NRXN3: variants seen among roughly 807,000 people sequenced by gnomAD.
NRXN3 encodes neurexin III.
A neutral mutation model predicts 137.6 loss-of-function variants in NRXN3; 32 were observed. That is an observed-to-expected ratio of 0.23 (90% CI 0.18 to 0.31). NRXN3 has a LOEUF of 0.31. Ranked by LOEUF, NRXN3 falls within the 10% of genes least tolerant of loss-of-function variation. The pLI is 1.00. For missense variants in NRXN3, 1,574 were observed against 2,062.5 expected (o/e 0.76, Z 4.59); for synonymous variants, 798 against 784.5 (o/e 1.02, Z -0.29).
At chr14:78,280,255 G>A (rs2074211575) in intron 3 of NRXN3, among the ~76,000 whole-genome samples, 1 of 151,980 alleles carries the variant, frequency 6.6e-6, no homozygotes, top group African/African-American at 2.4e-5. Flanking sequence ...ACATATCTAT[G>A]TATATATACA....
chr14:79,859,358 T>C (rs1224783900), intron 20 of NRXN3, among the ~76,000 whole-genome samples: 1 of 152,180 alleles, frequency 6.6e-6, no homozygotes, highest in African/African-American at 2.4e-5. Flanking sequence ...TTCTCAGTGC[T>C]TGAAGGTAGG....
chr14:78,629,161 C>T (rs1270902317), intron 4 of NRXN3, among the ~76,000 whole-genome samples: 4 of 152,116 alleles, frequency 2.6e-5, no homozygotes, highest in African/African-American at 7.2e-5. Context: ...TGGGAGTTTC[C>T]TGGTATGAAA....
chr14:79,804,251 A>G (rs2099194425), intron 19 of NRXN3, among the ~76,000 whole-genome samples: 1 of 152,092 alleles, frequency 6.6e-6, no homozygotes, highest in African/African-American at 2.4e-5. Context: ...TAAGATCTGT[A>G]GATTCATTCA....
chr14:78,359,279 C>G (rs759760485), intron 4 of NRXN3, among the ~76,000 whole-genome samples: 51 of 152,220 alleles, frequency 3.4e-4, no homozygotes, highest in Non-Finnish European at 5.9e-4. Context: ...CCCAGAGAGT[C>G]TGGTTTTAAT....
intron 15 of NRXN3, among the ~76,000 whole-genome samples, chr14:79,364,364 A>C (rs1034926436): frequency 6.6e-6 from 1 of 152,234 alleles, no homozygotes; most frequent in African/African-American, 2.4e-5. Context: ...ATGTTATTAC[A>C]TTACTTACAC....
intron 14 of NRXN3, among the ~76,000 whole-genome samples, chr14:78,971,441 T>TATAC (rs71131669): frequency 4.1e-4 from 58 of 142,606 alleles, no homozygotes; most frequent in Middle Eastern, 3.7e-3. Flanking sequence ...TATATATATA[T>TATAC]ACACACACAC....
intron 19 of NRXN3, among the ~76,000 whole-genome samples, chr14:79,752,153 G>A (rs1260087266): frequency 2.6e-5 from 4 of 152,164 alleles, no homozygotes; most frequent in African/African-American, 7.2e-5. Flanking sequence ...AATGGTACCA[G>A]TTCCGCCTTG....
At chr14:78,580,102 G>A (rs1224860830) in intron 4 of NRXN3, among the ~76,000 whole-genome samples, 1 of 152,082 alleles carries the variant, frequency 6.6e-6, no homozygotes, top group Non-Finnish European at 1.5e-5. Flanking sequence ...CCATACCCAT[G>A]TTTGATTGGC....
intron 10 of NRXN3, among the ~76,000 whole-genome samples, chr14:78,913,719 T>C (rs1206701171): frequency 2.0e-5 from 3 of 152,104 alleles, no homozygotes; most frequent in Non-Finnish European, 1.5e-5. Context: ...GCAGATAAAA[T>C]CTTTTGTTTA....
chr14:78,368,781 A>T (rs7146066), intron 4 of NRXN3, among the ~76,000 whole-genome samples: 1 of 152,218 alleles, frequency 6.6e-6, no homozygotes, highest in Non-Finnish European at 1.5e-5. Flanking sequence ...TTAAACTGTT[A>T]TGAATTCTTA....
intron 15 of NRXN3, among the ~76,000 whole-genome samples, chr14:79,116,115 G>A (rs1458792438): frequency 1.3e-5 from 2 of 152,160 alleles, no homozygotes; most frequent in African/African-American, 4.8e-5. Context: ...AAATTCAATT[G>A]CTGTGGGGAC....
intron 1 of NRXN3, among the ~76,000 whole-genome samples, chr14:78,190,137 T>TTCCC (rs1285391312): frequency 1.3e-5 from 2 of 152,190 alleles, no homozygotes; most frequent in Non-Finnish European, 2.9e-5. Flanking sequence ...ATACCTTTCC[T>TTCCC]TCCCTCTTCC....
chr14:78,472,916 CT>C (rs11407621), intron 4 of NRXN3, among the ~76,000 whole-genome samples: 5,847 of 140,342 alleles, frequency 0.042, 330 homozygotes, highest in East Asian at 0.34. Flanking sequence ...GAGAAAATGT[CT>C]TTTTTTTTTT....
At chr14:78,420,872 G>A (rs1413193601) in intron 4 of NRXN3, among the ~76,000 whole-genome samples, 1 of 152,162 alleles carries the variant, frequency 6.6e-6, no homozygotes, top group Non-Finnish European at 1.5e-5. Context: ...AAATGGATTC[G>A]GGTGGAGGCT....
chr14:79,110,830 G>A (rs985389547), intron 15 of NRXN3, among the ~76,000 whole-genome samples: 9 of 149,808 alleles, frequency 6.0e-5, no homozygotes, highest in African/African-American at 1.2e-4. Context: ...TCGATCAGTC[G>A]CCCAGGCTGG....
chr14:78,898,729 C>A (rs1209915886), intron 10 of NRXN3, among the ~76,000 whole-genome samples: 1 of 151,740 alleles, frequency 6.6e-6, no homozygotes, highest in African/African-American at 2.4e-5. Flanking sequence ...AGCAAATTAT[C>A]TTGATTGGAA....
chr14:78,607,898 G>A (rs2097265975), intron 4 of NRXN3, among the ~76,000 whole-genome samples: 1 of 152,124 alleles, frequency 6.6e-6, no homozygotes, highest in African/African-American at 2.4e-5. Flanking sequence ...GAGTTGACTG[G>A]TAGGAACATT....
chr14:79,861,433 C>G lies in NRXN3; in HGVS notation c.4185C>G (p.Ser1395=). ...ESKDFRPNKV[S]ETSRTTTTSL... is the part of the protein sequence containing the mutation. ...AGGACTTTAGACCTAACAAAGTCTC[C>G]GAAACTAGTAGGACTACTACCACAT... is the stretch of plus-strand genomic sequence containing the variant. Residue 1395 remains serine (S), a synonymous_variant, in exon 21 of 21, where the codon TCC becomes TCG. Transcript: ENST00000335750. The surrounding 1 kb of genome is among the most constrained non-coding windows in gnomAD (Gnocchi z 5.4). 6.5e-7 allele frequency: 1 copy of G among 1,536,420 alleles called. No homozygotes were observed. Among genetic ancestry groups the G allele is most frequent in the South Asian group, 1.2e-5 (1 of 84,064 alleles).
chr14:79,221,332 G>A (rs1327468578), intron 15 of NRXN3, among the ~76,000 whole-genome samples: 1 of 152,106 alleles, frequency 6.6e-6, no homozygotes, highest in East Asian at 1.9e-4. Flanking sequence ...TTGCTACACT[G>A]TTTTCAACAA....
Sources: gnomAD v4.1 joint callset for allele counts (sites outside exome capture counted in the v4.1 genomes callset) on GRCh38, gnomAD v4.1.1 for gene constraint, Gnocchi (gnomAD v3.1) non-coding constraint, MANE v1.5 for transcripts, NCBI Gene and HGNC (gene_info 2026-07-23, HGNC 2026-07-21) for gene names.